Variants in FAM168A observed in about 807,000 individuals in gnomAD.
FAM168A encodes protein FAM168A.
In FAM168A, 3 loss-of-function variants were observed where a neutral mutation model predicts 28.5. The ratio of observed to expected loss-of-function variants is 0.11; its 90% CI spans 0.05 to 0.27. The LOEUF is 0.27. FAM168A is among the 10% of genes least tolerant of loss of function. The pLI is 1.00. For synonymous variants in FAM168A, 122 were observed against 124.2 expected (o/e 0.98, Z 0.12); for missense variants, 222 against 311.5 (o/e 0.71, Z 2.16).
intron 1 of FAM168A, among the ~76,000 whole-genome samples, chr11:73,550,244 A>T (rs996667055): frequency 6.6e-6 from 1 of 152,234 alleles, no homozygotes; most frequent in African/African-American, 2.4e-5. Context: ...ATAGAGAAAG[A>T]ACTGCTAGGA....
At chr11:73,554,689 C>T (rs1943869315) in intron 1 of FAM168A, among the ~76,000 whole-genome samples, 1 of 152,116 alleles carries the variant, frequency 6.6e-6, no homozygotes, top group African/African-American at 2.4e-5. Flanking sequence ...ATATTAGAGG[C>T]ATATTATTTT....
intron 1 of FAM168A, among the ~76,000 whole-genome samples, chr11:73,471,115 G>C (rs991341173): frequency 6.6e-6 from 1 of 152,186 alleles, no homozygotes; most frequent in Non-Finnish European, 1.5e-5. Flanking sequence ...AGCTGCTCAA[G>C]GGTAGATGGG....
chr11:73,425,300 G>A (rs117132613), intron 3 of FAM168A, among the ~76,000 whole-genome samples: 1,666 of 152,288 alleles, frequency 0.011, 15 homozygotes, highest in Middle Eastern at 0.017. Flanking sequence ...CAGAGCTGCC[G>A]GATGTGAACA....
intron 1 of FAM168A, among the ~76,000 whole-genome samples, chr11:73,569,857 T>TAAATAAAC (rs1210704680): frequency 1.5e-5 from 2 of 135,158 alleles, no homozygotes; most frequent in African/African-American, 3.6e-5. Flanking sequence ...AATAAATAAA[T>TAAATAAAC]AAACAAAATA....
chr11:73,409,427 C>G (rs1273797487), intron 6 of FAM168A, 60 bp downstream of exon 6: 3 of 1,601,434 alleles, frequency 1.9e-6, no homozygotes, highest in Non-Finnish European at 2.6e-6. Flanking sequence ...ACTGTGTTCT[C>G]TGCTCCGTTT....
chr11:73,577,414 T>C (rs1944189841), intron 1 of FAM168A, among the ~76,000 whole-genome samples: 1 of 152,228 alleles, frequency 6.6e-6, no homozygotes, highest in African/African-American at 2.4e-5. Flanking sequence ...CTGTTGTTAT[T>C]TATTTTTGCC....
chr11:73,487,043 T>C (rs1868062263), intron 1 of FAM168A, among the ~76,000 whole-genome samples: 1 of 152,182 alleles, frequency 6.6e-6, no homozygotes. Flanking sequence ...ATACGAATGA[T>C]CTTACTAAAA....
At chr11:73,584,575 G>A (rs146321421) in intron 1 of FAM168A, among the ~76,000 whole-genome samples, 10,940 of 149,834 alleles carry the variant, frequency 0.073, 1,188 homozygotes, top group African/African-American at 0.24. Context: ...CCGGGTTCAC[G>A]CCATTCTCCC....
intron 1 of FAM168A, among the ~76,000 whole-genome samples, chr11:73,558,636 T>C (rs1943918022): frequency 6.6e-6 from 1 of 151,060 alleles, no homozygotes; most frequent in Non-Finnish European, 1.5e-5. Flanking sequence ...GCAAAGGACA[T>C]GAATAGGTAT....
intron 1 of FAM168A, among the ~76,000 whole-genome samples, chr11:73,473,423 C>G (rs1565261269): frequency 6.6e-6 from 1 of 152,126 alleles, no homozygotes; most frequent in Admixed American, 6.5e-5. Context: ...CCTAACAGAT[C>G]ACAACAGGGA....
chr11:73,490,015 T>C (rs1427702786), intron 1 of FAM168A, among the ~76,000 whole-genome samples: 1 of 152,168 alleles, frequency 6.6e-6, no homozygotes, highest in African/African-American at 2.4e-5. Flanking sequence ...CCAAATACCA[T>C]CTACATTTTT....
At chr11:73,532,745 A>AT (rs1428232077) in intron 1 of FAM168A, among the ~76,000 whole-genome samples, 1 of 152,152 alleles carries the variant, frequency 6.6e-6, no homozygotes, top group Non-Finnish European at 1.5e-5. Context: ...TTGGTGGCAT[A>AT]TTTTTTCTTT....
chr11:73,528,706 T>C (rs1299918377), intron 1 of FAM168A, among the ~76,000 whole-genome samples: 1 of 152,190 alleles, frequency 6.6e-6, no homozygotes, highest in African/African-American at 2.4e-5. Context: ...ACCTCTGTCC[T>C]GTAACACTCT....
chr11:73,450,627 C>T (rs1195937870), intron 2 of FAM168A, among the ~76,000 whole-genome samples: 1 of 151,972 alleles, frequency 6.6e-6, no homozygotes, highest in Admixed American at 6.6e-5. Flanking sequence ...TAGCTTATGG[C>T]CTTTTTTCCC....
At chr11:73,461,763 C>T (rs1215009414) in intron 2 of FAM168A, among the ~76,000 whole-genome samples, 1 of 151,914 alleles carries the variant, frequency 6.6e-6, no homozygotes, top group Non-Finnish European at 1.5e-5. Flanking sequence ...AGACTGGGGA[C>T]AGGGGTATAT....
intron 2 of FAM168A, among the ~76,000 whole-genome samples, chr11:73,455,339 C>A (rs940652179): frequency 6.6e-6 from 1 of 152,222 alleles, no homozygotes; most frequent in Non-Finnish European, 1.5e-5. Flanking sequence ...CTCTGTCCCA[C>A]AAGGGGTAGA....
intron 1 of FAM168A, among the ~76,000 whole-genome samples, chr11:73,541,716 T>C (rs1035578417): frequency 1.3e-5 from 2 of 152,126 alleles, no homozygotes; most frequent in African/African-American, 4.8e-5. Flanking sequence ...TATAAATATC[T>C]AGGTCCCATA....
chr11:73,544,877 ATT>A (rs1365014167), intron 1 of FAM168A, among the ~76,000 whole-genome samples: 3 of 97,842 alleles, frequency 3.1e-5, no homozygotes, highest in Admixed American at 1.7e-4. Context: ...AATTATATAT[ATT>A]ATATATAAAA....
intron 1 of FAM168A, among the ~76,000 whole-genome samples, chr11:73,495,557 G>C (rs1013574786): frequency 6.6e-6 from 1 of 152,152 alleles, no homozygotes; most frequent in Admixed American, 6.6e-5. Flanking sequence ...CAGATGGATA[G>C]GGGTACTATT....
Sources: allele counts gnomAD v4.1 joint callset (sites outside exome capture counted in the v4.1 genomes callset), GRCh38; gene constraint gnomAD v4.1.1; transcripts MANE v1.5; gene names NCBI Gene and HGNC (gene_info 2026-07-23, HGNC 2026-07-21).